Variants in IL5 observed in about 807,000 individuals in gnomAD.
IL5 encodes interleukin-5.
In IL5, 12 loss-of-function variants were observed where a neutral mutation model predicts 16.3. The ratio of observed to expected loss-of-function variants is 0.74; its 90% CI spans 0.47 to 1.20. The LOEUF is 1.20. Ranked by LOEUF, IL5 falls within the 50% of genes most tolerant of loss-of-function variation. IL5 has a pLI of 0.00. For missense variants in IL5, 159 were observed against 153.9 expected (o/e 1.03, Z -0.17); for synonymous variants, 54 against 56.6 (o/e 0.95, Z 0.21).
chr5:132,551,687 T>C (rs1473814583), intron 1 of IL5, among the ~76,000 whole-genome samples: 1 of 152,216 alleles, frequency 6.6e-6, no homozygotes, highest in Non-Finnish European at 1.5e-5. Flanking sequence ...CAAATACTTA[T>C]TTTACTTGCT....
chr5:132,556,618 C>G, intron 1 of IL5: 1 of 1,098,374 alleles, frequency 9.1e-7, no homozygotes. Flanking sequence ...AATTACTACA[C>G]GAACGTTAGA....
chr5:132,547,074 T>C (rs1382588833), upstream of IL5, among the ~76,000 whole-genome samples: 7 of 152,204 alleles, frequency 4.6e-5, no homozygotes, highest in African/African-American at 7.2e-5. Flanking sequence ...TAAAAGTTAA[T>C]GATTTTAATC....
Position 132,541,515 on chromosome 5 carries a change from A to C in IL5, c.*296T>G, listed in dbSNP as rs1203585930. ...ATAAATACTAATTTACCAAATTCTT[A>C]ACCATTTCATAAATACTATTAAGTT... On this transcript the variant is annotated 3_prime_UTR_variant, in exon 4 of 4. Coordinates refer to ENST00000231454, the MANE Select transcript of IL5 (RefSeq NM_000879.3). 2 of 286,696 alleles carry C rather than the reference A, an allele frequency of 7.0e-6. No individual in the cohort carries two copies. The highest frequency in any genetic ancestry group is 4.5e-5 in the African/African-American group (2 of 44,494). 17.8% of individuals were successfully genotyped at this position (286,696 alleles called of 1,614,324 possible). A position where few individuals can be genotyped will look rare whatever the true frequency, so the allele number is the denominator to read the frequency against.
chr5:132,554,985 G>A (rs1342250648), intron 1 of IL5, among the ~76,000 whole-genome samples: 3 of 152,140 alleles, frequency 2.0e-5, no homozygotes, highest in Non-Finnish European at 4.4e-5. Flanking sequence ...GAAACTGTTC[G>A]ACCTCACATC....
chr5:132,549,177 T>A (rs1749843210), intron 1 of IL5, among the ~76,000 whole-genome samples: 1 of 152,186 alleles, frequency 6.6e-6, no homozygotes. Context: ...TGCCTCAGCT[T>A]CCTGAGTAGC....
intron 1 of IL5, among the ~76,000 whole-genome samples, chr5:132,553,377 T>C (rs1244570113): frequency 6.6e-6 from 1 of 152,220 alleles, no homozygotes; most frequent in Non-Finnish European, 1.5e-5. Flanking sequence ...CAAAACTGCA[T>C]AAGAGATAAT....
upstream of IL5, among the ~76,000 whole-genome samples, chr5:132,544,119 T>C (rs143144481): frequency 4.9e-4 from 75 of 152,286 alleles, 1 homozygote; most frequent in Middle Eastern, 3.4e-3. Context: ...AGTCCAGGAA[T>C]GGAGGCTCTT....
At chr5:132,542,654 AT>A (rs1207836213) in intron 2 of IL5, among the ~76,000 whole-genome samples, 2 of 152,240 alleles carry the variant, frequency 1.3e-5, no homozygotes, top group African/African-American at 4.8e-5. Context: ...TCATATAGTC[AT>A]AATTATTTAA....
intron 1 of IL5, among the ~76,000 whole-genome samples, chr5:132,552,490 C>T (rs1036304882): frequency 6.6e-6 from 1 of 152,118 alleles, no homozygotes; most frequent in Non-Finnish European, 1.5e-5. Flanking sequence ...ATCTTTTCCA[C>T]CCCAATCCTA....
Position 132,550,969 on chromosome 5 carries a change from T to C in IL5, c.42+5705A>G, listed in dbSNP as rs564331426. Among the ~76,000 whole-genome samples the C allele has an allele frequency of 4.6e-5, 7 of 152,344 alleles. No homozygotes were observed. In the South Asian group the frequency reaches 1.5e-3, roughly 32 times the overall value. ...ATGTGGAAGGTGGGGGGTGATCTTC[T>C]GGCACATTTTACAGTCCTTGTATTG... On this transcript the variant is annotated intron_variant, in intron 1 of 2. Transcript: ENST00000450655.
intron 1 of IL5, among the ~76,000 whole-genome samples, chr5:132,550,711 C>T (rs1211087874): frequency 1.3e-5 from 2 of 152,098 alleles, no homozygotes; most frequent in Admixed American, 6.5e-5. Flanking sequence ...ATATTAGCAC[C>T]AGGAGATATA....
At chr5:132,542,944 C>T (rs531053758) in intron 2 of IL5, 150 bp downstream of exon 2, 1 of 625,342 alleles carries the variant, frequency 1.6e-6, no homozygotes, top group African/African-American at 1.9e-5. Flanking sequence ...AGTCATTCCT[C>T]ATATTTATAA....
At chr5:132,542,804 T>C (rs1250399230) in intron 2 of IL5, among the ~76,000 whole-genome samples, 1 of 152,146 alleles carries the variant, frequency 6.6e-6, no homozygotes, top group Non-Finnish European at 1.5e-5. Context: ...GCACGGAGAC[T>C]AGCACGCACC....
rs200665399 is a variant in IL5 at position 132,542,132 on chromosome 5, G to A, written c.189C>T (p.Cys63=). The change falls in exon 3 of 4, where the codon TGC becomes TGT. Residue 63 remains cysteine, a synonymous_variant. Transcript: ENST00000231454. ...PVPVHKNHQL[C]TEEIFQGIGT... The stretch of plus-strand genomic sequence containing the variant: ...CTATTCCCTGAAAGATTTCTTCAGT[G>A]CACAGTTGGTGCTAAATGAGGAAAA... 64 of 1,607,846 alleles carry A rather than the reference G, an allele frequency of 4.0e-5. No homozygotes were observed. The highest frequency in any genetic ancestry group is 3.6e-4 in the African/African-American group (27 of 74,570).
At chr5:132,545,376 G>A (rs540845129), upstream of IL5, among the ~76,000 whole-genome samples, 10 of 152,264 alleles carry the variant, frequency 6.6e-5, no homozygotes, top group African/African-American at 2.4e-4. Context: ...TAGGAGGCTG[G>A]GCAAGGTGGC....
At chr5:132,553,928 G>C (rs1648206909) in intron 1 of IL5, among the ~76,000 whole-genome samples, 2 of 109,768 alleles carry the variant, frequency 1.8e-5, no homozygotes, top group Non-Finnish European at 3.6e-5. Context: ...AACAGAGAGA[G>C]ACTCCGTCTT....
intron 2 of IL5, among the ~76,000 whole-genome samples, chr5:132,542,558 T>C (rs1212968452): frequency 6.6e-6 from 1 of 152,234 alleles, no homozygotes; most frequent in Non-Finnish European, 1.5e-5. Context: ...CAGTTCTAGC[T>C]GGTAGTTTTA....
upstream of IL5, among the ~76,000 whole-genome samples, chr5:132,546,608 A>G (rs1287612588): frequency 1.3e-5 from 2 of 152,174 alleles, no homozygotes; most frequent in African/African-American, 2.4e-5. Flanking sequence ...TGCTATGAAC[A>G]TGGGTGTACA....
chr5:132,551,397 A>C (rs1214297552), intron 1 of IL5, among the ~76,000 whole-genome samples: 4 of 152,202 alleles, frequency 2.6e-5, no homozygotes, highest in Non-Finnish European at 5.9e-5. Flanking sequence ...AGAAAACAAT[A>C]ATTAATTCTT....
Sources: allele counts gnomAD v4.1 joint callset (sites outside exome capture counted in the v4.1 genomes callset), GRCh38; gene constraint gnomAD v4.1.1; transcripts MANE v1.5; gene names NCBI Gene and HGNC (gene_info 2026-07-23, HGNC 2026-07-21).